DIP2B: variants seen among roughly 807,000 people sequenced by gnomAD.
DIP2B encodes the protein disco-interacting protein 2 homolog B.
DIP2B carries 76 observed loss-of-function variants against 198.0 expected under a neutral mutation model. That is an observed-to-expected ratio of 0.38 (90% CI 0.32 to 0.46). DIP2B has a LOEUF of 0.46. Among genes scored for constraint, DIP2B ranks in the 20% least tolerant of loss-of-function variants. DIP2B has a pLI of 0.99. For synonymous variants in DIP2B, 701 were observed against 739.1 expected, an observed-to-expected ratio of 0.95 and a Z score of 0.84; for missense variants, 1,559 against 1,978.4, an observed-to-expected ratio of 0.79 and a Z score of 4.02.
intron 1 of DIP2B, among the ~76,000 whole-genome samples, chr12:50,565,139 A>T (rs954866173): frequency 8.6e-5 from 13 of 151,900 alleles, no homozygotes; most frequent in African/African-American, 3.1e-4. Context: ...AGTAGCTGGG[A>T]CTAAAGGCAT....
intron 1 of DIP2B, among the ~76,000 whole-genome samples, chr12:50,535,586 G>T (rs1459307517): frequency 6.6e-6 from 1 of 151,734 alleles, no homozygotes. Flanking sequence ...GGCCAGGCTG[G>T]TCTCAAACTC....
chr12:50,556,229 T>C (rs1023192924), intron 1 of DIP2B, among the ~76,000 whole-genome samples: 9 of 151,886 alleles, frequency 5.9e-5, no homozygotes, highest in African/African-American at 2.2e-4. Context: ...TTTGTATTTT[T>C]AGTAGAGACG....
intron 1 of DIP2B, among the ~76,000 whole-genome samples, chr12:50,569,314 A>G (rs1166488661): frequency 6.6e-6 from 1 of 152,126 alleles, no homozygotes; most frequent in East Asian, 1.9e-4. Context: ...CAATGTGTTC[A>G]ATCTTATGGG....
At chr12:50,714,677 C>A in intron 23 of DIP2B, 81 bp downstream of exon 23, 1 of 1,541,240 alleles carries the variant, frequency 6.5e-7, no homozygotes, top group South Asian at 1.1e-5. Context: ...TCTTTCTCTA[C>A]AATTAGTTTA....
At chr12:50,706,413 G>A (rs1267222630) in intron 20 of DIP2B, 125 bp from the exon 21 acceptor site, 15 of 1,174,904 alleles carry the variant, frequency 1.3e-5, no homozygotes, top group South Asian at 6.5e-5. Context: ...TCTAGAATCC[G>A]TAAAATATGG....
intron 1 of DIP2B, among the ~76,000 whole-genome samples, chr12:50,586,897 A>G (rs981416900): frequency 1.3e-5 from 2 of 152,204 alleles, no homozygotes; most frequent in African/African-American, 2.4e-5. Flanking sequence ...ATAAAAAGCT[A>G]TTATAAACGT....
intron 1 of DIP2B, among the ~76,000 whole-genome samples, chr12:50,506,406 C>T (rs949288236): frequency 6.6e-6 from 1 of 152,052 alleles, no homozygotes; most frequent in Admixed American, 6.6e-5. Context: ...ATTATGGTTC[C>T]CTCCCCTCTG....
chr12:50,721,463 A>G (rs753668138), intron 26 of DIP2B, 67 bp downstream of exon 26: 2 of 1,594,020 alleles, frequency 1.3e-6, no homozygotes, highest in African/African-American at 1.3e-5. Context: ...TTATAAAAGG[A>G]TAGGCACTCA....
At chr12:50,639,882 T>G (rs1001579071) in intron 2 of DIP2B, among the ~76,000 whole-genome samples, 3 of 151,810 alleles carry the variant, frequency 2.0e-5, no homozygotes, top group Non-Finnish European at 4.4e-5. Context: ...TCTAAGAGAG[T>G]CAAGCTCATA....
At chr12:50,528,229 T>G (rs77911115) in intron 1 of DIP2B, among the ~76,000 whole-genome samples, 1,605 of 151,612 alleles carry the variant, frequency 0.011, 30 homozygotes, top group African/African-American at 0.037. Flanking sequence ...GCCTGACCCT[T>G]CTTTTTTTTT....
At chr12:50,583,630 G>A (rs1262968648) in intron 1 of DIP2B, among the ~76,000 whole-genome samples, 2 of 152,142 alleles carry the variant, frequency 1.3e-5, no homozygotes, top group Non-Finnish European at 2.9e-5. Flanking sequence ...CCCATCCTAA[G>A]TTGAAAATAC....
chr12:50,613,035 A>G (rs916717070), intron 1 of DIP2B, among the ~76,000 whole-genome samples: 2 of 152,206 alleles, frequency 1.3e-5, no homozygotes, highest in Non-Finnish European at 2.9e-5. Context: ...CCGTTACTGT[A>G]GTGGCAACTC....
intron 1 of DIP2B, among the ~76,000 whole-genome samples, chr12:50,559,709 C>CCACACACACA (rs55678718): frequency 0.23 from 32,683 of 139,300 alleles, 4,276 homozygotes; most frequent in Non-Finnish European, 0.29. Context: ...GTGACAGAAA[C>CCACACACACA]CACACACACA....
chr12:50,592,487 C>CT (rs1174093862), intron 1 of DIP2B, among the ~76,000 whole-genome samples: 6 of 151,542 alleles, frequency 4.0e-5, no homozygotes, highest in East Asian at 1.9e-4. Flanking sequence ...TTTCTTTCTT[C>CT]TTTTTTTTGA....
intron 7 of DIP2B, among the ~76,000 whole-genome samples, chr12:50,676,591 A>G (rs1021412582): frequency 1.3e-5 from 2 of 152,248 alleles, no homozygotes; most frequent in African/African-American, 2.4e-5. Context: ...ATCTTACCTG[A>G]AAAAATTGCA....
At chr12:50,608,217 T>G (rs377103609) in intron 1 of DIP2B, among the ~76,000 whole-genome samples, 10 of 152,368 alleles carry the variant, frequency 6.6e-5, no homozygotes, top group African/African-American at 2.4e-4. Flanking sequence ...TGGGGAAGTC[T>G]TAGCATATCA....
At chr12:50,509,018 C>G (rs1002698541) in intron 1 of DIP2B, among the ~76,000 whole-genome samples, 3 of 152,172 alleles carry the variant, frequency 2.0e-5, no homozygotes, top group Non-Finnish European at 4.4e-5. Context: ...TTCTATACCA[C>G]AGTGTTGATT....
In DIP2B at chr12:50,547,229, G is replaced by A. The variant is rs193277887; in HGVS notation, c.100+41989G>A. Among the ~76,000 whole-genome samples the A allele has an allele frequency of 2.7e-3, 410 of 152,274 alleles. 2 individuals are homozygous for A. Among genetic ancestry groups the A allele is most frequent in the African/African-American group, 9.4e-3 (391 of 41,566 alleles). ...GATTCAGTTGGTAATACAAATTAAA[G>A]TTTGGCTTAAAACAGTGAAATATTT... On this transcript the variant is annotated intron_variant, in intron 1 of 37. Transcript: ENST00000301180.
Position 50,680,796 on chromosome 12 carries a change from G to A in DIP2B, c.1206+33G>A, listed in dbSNP as rs183195617. 7 of 1,575,472 alleles carry A rather than the reference G, an allele frequency of 4.4e-6. No individual in the cohort carries two copies. The Admixed American group carries it at 8.7e-5, about 20-fold the overall frequency. On this transcript the variant is annotated intron_variant, in intron 9 of 37. Transcript: ENST00000301180. Reference sequence around the variant, plus strand: ...GTGTGATTTTGGTTTTAGGGAGGTGGTGTTTATTGTTTTCTAATATGCTAA... The same window carrying A: ...GTGTGATTTTGGTTTTAGGGAGGTGATGTTTATTGTTTTCTAATATGCTAA...
Sources: allele counts gnomAD v4.1 joint callset (sites outside exome capture counted in the v4.1 genomes callset), GRCh38; gene constraint gnomAD v4.1.1; transcripts MANE v1.5; gene names NCBI Gene and HGNC (gene_info 2026-07-23, HGNC 2026-07-21).